NIPAL2: variants seen among roughly 807,000 people sequenced by gnomAD.
The protein encoded by NIPAL2 is NIPA-like protein 2.
NIPAL2 carries 43 observed loss-of-function variants against 48.9 expected under a neutral mutation model. The observed-to-expected ratio is 0.88, with a 90% CI of 0.69 to 1.13. The LOEUF (loss-of-function observed/expected upper bound fraction) is 1.13, where lower values mean the gene tolerates loss of function less well. Ranked by LOEUF, NIPAL2 falls within the 50% of genes most tolerant of loss-of-function variation. The pLI is 0.00. For synonymous variants in NIPAL2, 167 were observed against 174.6 expected (o/e 0.96, Z 0.34); for missense variants, 446 against 461.4 (o/e 0.97, Z 0.31).
At chr8:98,213,284 T>A (rs1207254819) in intron 5 of NIPAL2, among the ~76,000 whole-genome samples, 1 of 152,224 alleles carries the variant, frequency 6.6e-6, no homozygotes, top group Non-Finnish European at 1.5e-5. Context: ...ATCACATTTT[T>A]ATATGTCCCT....
intron 3 of NIPAL2, among the ~76,000 whole-genome samples, chr8:98,251,385 C>T (rs1813576071): frequency 6.6e-6 from 1 of 152,052 alleles, no homozygotes; most frequent in Non-Finnish European, 1.5e-5. Context: ...TAGTGGTTTA[C>T]TAAATAGAAA....
At chr8:98,278,759 A>G (rs1469340921) in intron 1 of NIPAL2, among the ~76,000 whole-genome samples, 2 of 152,220 alleles carry the variant, frequency 1.3e-5, no homozygotes, top group Non-Finnish European at 2.9e-5. Context: ...CATTTGAACT[A>G]AACTATCGGA....
chr8:98,236,861 A>G (rs1466583446), intron 3 of NIPAL2, among the ~76,000 whole-genome samples: 1 of 136,490 alleles, frequency 7.3e-6, no homozygotes, highest in Non-Finnish European at 1.5e-5. Context: ...CAAAAAAAAA[A>G]AAAAAAAAAA....
intron 5 of NIPAL2, 130 bp downstream of exon 5, chr8:98,222,349 G>T: frequency 2.1e-6 from 2 of 970,082 alleles, no homozygotes; most frequent in Admixed American, 2.9e-5. Context: ...CTTTGGTATT[G>T]GTCAAATACA....
At chr8:98,199,431 T>C (rs982268954) in intron 8 of NIPAL2, among the ~76,000 whole-genome samples, 5 of 152,096 alleles carry the variant, frequency 3.3e-5, no homozygotes, top group African/African-American at 1.2e-4. Context: ...TTACAGGCCA[T>C]TGTAGGGTTA....
rs564675301 is a variant in NIPAL2 at position 98,285,733 on chromosome 8, C to CTT, written c.135+8268_135+8269dup. ...TCAGTTAAAGTTAGTTTCTTTCTTT[C>CTT]TTTTTTTTTTGTAACTTGCAACCTA... is the stretch of plus-strand genomic sequence containing the variant. On this transcript the variant is annotated intron_variant, in intron 1 of 10. Transcript: ENST00000430223. 8.1e-5 allele frequency among the ~76,000 whole-genome samples: 12 copies of CTT among 148,722 alleles called. No homozygotes were observed. In the East Asian group the frequency reaches 2.3e-3, roughly 29 times the overall value.
At chr8:98,253,777 T>C (rs1031670188) in intron 2 of NIPAL2, among the ~76,000 whole-genome samples, 2 of 152,204 alleles carry the variant, frequency 1.3e-5, no homozygotes, top group Admixed American at 6.5e-5. Context: ...TCTACAATAC[T>C]GTCAGAGACC....
intron 4 of NIPAL2, among the ~76,000 whole-genome samples, chr8:98,224,360 G>A (rs187469167): frequency 6.5e-4 from 99 of 151,924 alleles, no homozygotes; most frequent in African/African-American, 2.3e-3. Flanking sequence ...AAATAATTGC[G>A]TATTATATAA....
intron 3 of NIPAL2, among the ~76,000 whole-genome samples, chr8:98,249,111 C>G (rs1453735111): frequency 6.6e-6 from 1 of 152,126 alleles, no homozygotes; most frequent in Non-Finnish European, 1.5e-5. Context: ...GGAGACCTGG[C>G]GTACTGCATC....
intron 4 of NIPAL2, chr8:98,231,716 T>A (rs1812449224): frequency 6.6e-6 from 1 of 152,202 alleles, no homozygotes; most frequent in African/African-American, 2.4e-5. Context: ...CAGAAATAGC[T>A]TTGTGAGGTC....
chr8:98,288,841 G>A (rs1032974791), intron 1 of NIPAL2, among the ~76,000 whole-genome samples: 17 of 152,154 alleles, frequency 1.1e-4, no homozygotes, highest in African/African-American at 4.1e-4. Context: ...GAAATATCCA[G>A]ATCAAGAATA....
chr8:98,201,062 G>A (rs1034832253), intron 8 of NIPAL2, among the ~76,000 whole-genome samples: 3 of 152,142 alleles, frequency 2.0e-5, no homozygotes, highest in South Asian at 2.1e-4. Context: ...GGAGGGTGGC[G>A]GCATGTTACC....
chr8:98,202,246 T>TGC (rs1277305211), intron 8 of NIPAL2, among the ~76,000 whole-genome samples: 176 of 152,320 alleles, frequency 1.2e-3, no homozygotes, highest in African/African-American at 4.1e-3. Context: ...AACATTGAAT[T>TGC]CAGTTTTGGA....
chr8:98,261,148 C>A (rs910947828), intron 1 of NIPAL2, among the ~76,000 whole-genome samples: 1 of 151,184 alleles, frequency 6.6e-6, no homozygotes, highest in African/African-American at 2.4e-5. Context: ...CATCAGAGAC[C>A]AAAAGTAGAT....
chr8:98,259,773 G>A (rs947195470), intron 1 of NIPAL2, among the ~76,000 whole-genome samples: 1 of 152,176 alleles, frequency 6.6e-6, no homozygotes, highest in Non-Finnish European at 1.5e-5. Context: ...TTGTGTCTAT[G>A]GCCTTAATCA....
chr8:98,223,096 A>C (rs1478946811), intron 4 of NIPAL2, among the ~76,000 whole-genome samples: 1 of 152,208 alleles, frequency 6.6e-6, no homozygotes, highest in African/African-American at 2.4e-5. Flanking sequence ...AGGTGATTTA[A>C]CAATTTGAAA....
rs149271629 is a variant in NIPAL2 at position 98,244,870 on chromosome 8, C to T, written c.376+7593G>A. ...CAAAACATGGGCCAACTCTGGTCTA[C>T]AGGCAAGTTTGTGAACTCTAATCTA... On this transcript the variant is annotated intron_variant, in intron 3 of 10. Transcript: ENST00000430223. Among the ~76,000 whole-genome samples, 407 of 152,262 alleles carry T rather than the reference C, an allele frequency of 2.7e-3. 1 individual carries two copies. Among genetic ancestry groups the T allele is most frequent in the African/African-American group, 9.4e-3 (390 of 41,556 alleles).
At chr8:98,252,786 T>C in intron 2 of NIPAL2, 152 bp from the exon 3 acceptor site, 1 of 680,174 alleles carries the variant, frequency 1.5e-6, no homozygotes, top group Non-Finnish European at 2.3e-6. Flanking sequence ...TGGGGAATTA[T>C]TGAAAATTAT....
intron 1 of NIPAL2, among the ~76,000 whole-genome samples, chr8:98,280,770 A>AGAGAGAGAGAGAGAGAGAGAGAGC: frequency 7.2e-6 from 1 of 139,202 alleles, no homozygotes; most frequent in African/African-American, 2.7e-5. Context: ...ATAGAGAGAG[A>AGAGAGAGAGAGAGAGAGAGAGAGC]GAGAGAGAGA....
Sources: allele counts gnomAD v4.1 joint callset (sites outside exome capture counted in the v4.1 genomes callset), GRCh38; gene constraint gnomAD v4.1.1; transcripts MANE v1.5; gene names NCBI Gene and HGNC (gene_info 2026-07-23, HGNC 2026-07-21).